Variants in GBP7 observed in about 807,000 individuals in gnomAD.
GBP7 encodes the protein guanylate-binding protein 7.
Under a neutral mutation model 61.3 loss-of-function variants are expected in GBP7, and 43 were observed. The observed-to-expected ratio is 0.70, with a 90% confidence interval of 0.55 to 0.91. The LOEUF (loss-of-function observed/expected upper bound fraction) is 0.91. Ranked by LOEUF, GBP7 falls within the 40% of genes least tolerant of loss-of-function variation. The pLI, the probability that GBP7 is intolerant of heterozygous loss-of-function variation, is 0.00. For synonymous variants in GBP7, 267 were observed against 271.0 expected (o/e 0.99, Z 0.14); for missense variants, 717 against 740.5 (o/e 0.97, Z 0.37).
chr1:89,166,979 C>T (rs1300029332), intron 2 of GBP7, among the ~76,000 whole-genome samples: 1 of 152,152 alleles, frequency 6.6e-6, no homozygotes, highest in Admixed American at 6.5e-5. Context: ...TAAACTTTCC[C>T]ACGTCTCAAC....
At chr1:89,168,341 A>T (rs771558965) in intron 2 of GBP7, among the ~76,000 whole-genome samples, 5 of 152,218 alleles carry the variant, frequency 3.3e-5, no homozygotes, top group Admixed American at 6.5e-5. Flanking sequence ...TCTAGAGCTC[A>T]GAGTAATAAT....
chr1:89,137,534 C>T (rs1309354853), intron 9 of GBP7, among the ~76,000 whole-genome samples: 1 of 151,972 alleles, frequency 6.6e-6, no homozygotes, highest in Non-Finnish European at 1.5e-5. Context: ...CTCACACAAA[C>T]GGGACTCAGA....
chr1:89,161,801 G>A (rs1647277203), intron 3 of GBP7, among the ~76,000 whole-genome samples: 1 of 151,992 alleles, frequency 6.6e-6, no homozygotes. Context: ...TTTTGCTTTT[G>A]TTACTATAGC....
chr1:89,156,122 T>G (rs1205936726), intron 3 of GBP7, among the ~76,000 whole-genome samples: 4 of 152,218 alleles, frequency 2.6e-5, no homozygotes, highest in Admixed American at 6.5e-5. Flanking sequence ...AAGTGAAGGA[T>G]AAATAAAATA....
At chr1:89,148,029 A>G (rs1478271068) in intron 7 of GBP7, among the ~76,000 whole-genome samples, 1 of 152,180 alleles carries the variant, frequency 6.6e-6, no homozygotes, top group Non-Finnish European at 1.5e-5. Context: ...AACAACAAGC[A>G]AGGGACAATT....
chr1:89,132,167 A>G lies in GBP7; in HGVS notation c.1899T>C (p.Gly633=), dbSNP rs920016586. The change falls in exon 11 of 11, where the codon GGT becomes GGC. Residue 633 remains glycine (G), a synonymous_variant. Transcript: ENST00000294671. ...AGAAACCTCAGCTTATAATTTTCTT[A>G]CCAGGATTTCTCAGCCTATTACATA... The part of the protein sequence containing the change: ...SSLCNRLRNP[G]KKIIS 3 of 1,605,938 alleles carry G rather than the reference A, an allele frequency of 1.9e-6. No homozygotes were observed. The highest frequency in any genetic ancestry group is 2.7e-5 in the African/African-American group (2 of 74,346).
At chr1:89,140,948 T>G (rs1257367293) in intron 9 of GBP7, among the ~76,000 whole-genome samples, 1 of 152,150 alleles carries the variant, frequency 6.6e-6, no homozygotes, top group Non-Finnish European at 1.5e-5. Flanking sequence ...AATGCAGGAC[T>G]AGAAAACCAA....
In GBP7 at chr1:89,152,356, A is replaced by G. The variant is rs1466694571; in HGVS notation, c.537T>C (p.Thr179=). The G allele has an allele frequency of 6.2e-7, 1 of 1,614,062 alleles. No homozygotes were observed. Among genetic ancestry groups the G allele is most frequent in the Non-Finnish European group, 8.5e-7 (1 of 1,180,032 alleles). ...TCAGCTCCAGGGTAAAATCTCGAAC[A>G]GTCCAAATAAAGTCTGGAAAGAAAC... ...FVSFFPDFIW[T]VRDFTLELKL... is the part of the protein sequence containing the mutation. The change falls in exon 5 of 11, where the codon ACT becomes ACC. Residue 179 remains threonine (T), a synonymous_variant. Transcript: ENST00000294671.
At position 89,158,364 on chromosome 1, in the gene GBP7, A is replaced by G. The variant is rs373625474; in HGVS notation, c.319-5587T>C. 3.7e-4 allele frequency among the ~76,000 whole-genome samples: 57 copies of G among 152,350 alleles called. 6 individuals carry two copies. The highest frequency in any genetic ancestry group is 9.1e-4 in the Admixed American group (14 of 15,302). On this transcript the variant is annotated intron_variant, in intron 3 of 10. Transcript: ENST00000294671. ...AGTGTTGGAAGTTCTGGCCAGGGCA[A>G]TTAGGCAAGAGAAGGAAATAAAGGG...
At chr1:89,160,790 G>A (rs946185111) in intron 3 of GBP7, among the ~76,000 whole-genome samples, 2 of 152,084 alleles carry the variant, frequency 1.3e-5, no homozygotes, top group African/African-American at 4.8e-5. Context: ...AATAGAATTA[G>A]TATGTTTTGG....
In GBP7 at chr1:89,149,463, C is replaced by G. The variant is rs775015333; in HGVS notation, c.981G>C (p.Val327=). Reference sequence around the variant, plus strand: ...GGCTGTAGTGGTTGGCTGCCCTCTGCACGGCTGCTGAGTTCTCACACTGGG... The same window carrying G: ...GGCTGTAGTGGTTGGCTGCCCTCTGGACGGCTGCTGAGTTCTCACACTGGG... ...VLAQCENSAA[V]QRAANHYSQQ... is the part of the protein sequence containing the mutation. Residue 327 remains valine (V), a synonymous_variant, in exon 7 of 11, where the codon GTG becomes GTC. Transcript: ENST00000294671. 6.2e-7 allele frequency: 1 copy of G among 1,614,132 alleles called. No homozygotes were observed. The highest frequency in any genetic ancestry group is 8.5e-7 in the Non-Finnish European group (1 of 1,180,016).
At chr1:89,136,999 A>G (rs192432790) in intron 9 of GBP7, among the ~76,000 whole-genome samples, 8 of 152,264 alleles carry the variant, frequency 5.3e-5, no homozygotes, top group Admixed American at 2.6e-4. Context: ...CAGAAATACA[A>G]AAAATCCTGA....
At chr1:89,158,990 C>T (rs538625923) in intron 3 of GBP7, among the ~76,000 whole-genome samples, 7 of 152,314 alleles carry the variant, frequency 4.6e-5, no homozygotes, top group African/African-American at 1.7e-4. Flanking sequence ...AGCAAAACAG[C>T]ATGGTACTGG....
rs369247714 is a variant in GBP7, at chr1:89,152,361, A to G, written c.532T>C (p.Trp178Arg). Residue 178 changes from tryptophan to arginine, a missense_variant, in exon 5 of 11, where the codon TGG becomes CGG. By Grantham distance (101) the Trp-to-Arg change is moderately radical (BLOSUM62 -3). Coordinates refer to ENST00000294671, the MANE Select transcript of GBP7 (RefSeq NM_207398.3). ...TCCAGGGTAAAATCTCGAACAGTCC[A>G]AATAAAGTCTGGAAAGAAACTCACA... ...EFVSFFPDFI[W>R]TVRDFTLELK... is the part of the protein sequence containing the mutation. 9.9e-6 allele frequency: 16 copies of G among 1,614,054 alleles called. No homozygotes were observed. Among genetic ancestry groups the G allele is most frequent in the Non-Finnish European group, 1.4e-5 (16 of 1,180,028 alleles).
intron 2 of GBP7, among the ~76,000 whole-genome samples, chr1:89,168,747 C>T (rs1471152844): frequency 6.6e-6 from 1 of 151,854 alleles, no homozygotes; most frequent in East Asian, 1.9e-4. Context: ...CCAGCCTGAC[C>T]AACATGGAGA....
intron 10 of GBP7, 77 bp from the exon 11 acceptor site, chr1:89,132,480 A>C (rs1681704072): frequency 9.6e-7 from 1 of 1,042,528 alleles, no homozygotes; most frequent in African/African-American, 1.6e-5. Context: ...CAATTTCATT[A>C]GTTAAACATG....
intron 8 of GBP7, among the ~76,000 whole-genome samples, chr1:89,142,671 GA>G (rs1681980506): frequency 6.6e-6 from 1 of 152,176 alleles, no homozygotes; most frequent in Non-Finnish European, 1.5e-5. Flanking sequence ...GAAGGAAAAA[GA>G]GGCATAAATA....
At chr1:89,169,998 C>G (rs368137610) in intron 2 of GBP7, among the ~76,000 whole-genome samples, 2 of 152,146 alleles carry the variant, frequency 1.3e-5, no homozygotes, top group African/African-American at 4.8e-5. Flanking sequence ...AAATCTTTAC[C>G]TGACCTAACA....
intron 3 of GBP7, among the ~76,000 whole-genome samples, chr1:89,164,376 C>T (rs1647362530): frequency 6.6e-6 from 1 of 152,178 alleles, no homozygotes; most frequent in Admixed American, 6.5e-5. Context: ...TCTAAATGGT[C>T]ACAATGTTGT....
Sources: gnomAD v4.1 joint callset for allele counts (sites outside exome capture counted in the v4.1 genomes callset) on GRCh38, gnomAD v4.1.1 for gene constraint, MANE v1.5 for transcripts, NCBI Gene and HGNC (gene_info 2026-07-23, HGNC 2026-07-21) for gene names.